UNC13C: variants seen among roughly 807,000 people sequenced by gnomAD.
UNC13C encodes protein unc-13 homolog C.
Under a neutral mutation model 245.4 loss-of-function variants are expected in UNC13C, and 174 were observed. That is an observed-to-expected ratio of 0.71 (90% CI 0.63 to 0.80). The LOEUF (loss-of-function observed/expected upper bound fraction) is 0.80. Ranked by LOEUF, UNC13C falls within the 30% of genes least tolerant of loss-of-function variation. The pLI is 0.00. For synonymous variants in UNC13C, 992 were observed against 895.1 expected (o/e 1.11, Z -1.93); for missense variants, 2,829 against 2,602.9 (o/e 1.09, Z -1.89).
At chr15:53,870,806 C>A in the UNC13C span, among the ~76,000 whole-genome samples, 1 of 152,152 alleles carries the variant, frequency 6.6e-6, no homozygotes, top group Non-Finnish European at 1.5e-5. Context: ...GGTCACACAG[C>A]AATTAACTGA....
chr15:54,494,801 A>G, intron 20 of UNC13C, 67 bp downstream of exon 20: 1 of 1,538,146 alleles, frequency 6.5e-7, no homozygotes, highest in Non-Finnish European at 8.9e-7. Context: ...TTACACCTGA[A>G]TTGTGTACCA....
At chr15:53,967,853 C>T in the UNC13C span, 2 of 152,096 alleles carry the variant, frequency 1.3e-5, no homozygotes, top group Admixed American at 6.6e-5. Context: ...ACAGTGCCAA[C>T]TGTGATGCTT....
intron 13 of UNC13C, among the ~76,000 whole-genome samples, chr15:54,303,485 A>G (rs988444280): frequency 2.0e-5 from 3 of 152,192 alleles, no homozygotes; most frequent in South Asian, 2.1e-4. Context: ...GTTCTAAGAA[A>G]CACAGTCATG....
Position 54,264,310 on chromosome 15 carries a change from A to T in UNC13C, c.3591A>T (p.Lys1197Asn), listed in dbSNP as rs779178889. Residue 1197 changes from lysine (K) to asparagine (N), a missense_variant, in exon 9 of 33, where the codon AAA becomes AAT. Coordinates refer to ENST00000260323, the MANE Select transcript of UNC13C (RefSeq NM_001080534.3). The part of the protein sequence containing the change: ...EVIQEMFQIS[K>N]EDFVQFTKAA... The stretch of plus-strand genomic sequence containing the variant: ...TCCAGGAAATGTTTCAGATTTCTAA[A>T]GAAGATTTTGTGCAGTTTACAAAGG... The T allele has an allele frequency of 8.5e-5, 136 of 1,605,070 alleles. No homozygotes were observed. The highest frequency in any genetic ancestry group is 1.1e-4 in the Non-Finnish European group (132 of 1,175,538).
At chr15:53,842,688 A>C in the UNC13C span, among the ~76,000 whole-genome samples, 1 of 152,144 alleles carries the variant, frequency 6.6e-6, no homozygotes, top group Admixed American at 6.6e-5. Flanking sequence ...TGAAGTTGAC[A>C]CACAGAGAAG....
chr15:54,606,103 A>G (rs1899752159), intron 30 of UNC13C, among the ~76,000 whole-genome samples: 2 of 152,180 alleles, frequency 1.3e-5, no homozygotes, highest in African/African-American at 4.8e-5. Context: ...TTGGTTTGTT[A>G]TTGTTATTAA....
Position 54,014,487 on chromosome 15 carries a change from T to C in UNC13C, c.1584T>C (p.Tyr528=), listed in dbSNP as rs778074359. 1.9e-5 allele frequency: 30 copies of C among 1,613,752 alleles called. No homozygotes were observed. The highest frequency in any genetic ancestry group is 2.5e-5 in the Non-Finnish European group (29 of 1,179,836). Residue 528 remains tyrosine, a synonymous_variant, in exon 2 of 33, where the codon TAT becomes TAC. Coordinates refer to ENST00000260323, the MANE Select transcript of UNC13C (RefSeq NM_001080534.3). The part of the protein sequence containing the change: ...DILEKQTTTH[Y]ADATPLWHSQ... ...TGGAAAAGCAAACCACAACCCATTATGCAGATGCAACACCTCTCTGGCACT... is the reference window on the plus strand; with the variant it reads ...TGGAAAAGCAAACCACAACCCATTACGCAGATGCAACACCTCTCTGGCACT...
At chr15:53,904,174 C>A in the UNC13C span, among the ~76,000 whole-genome samples, 3 of 152,132 alleles carry the variant, frequency 2.0e-5, no homozygotes, top group African/African-American at 4.8e-5. Context: ...AAAACTGAAC[C>A]TTCCTGCTGA....
chr15:53,969,782 G>A, the UNC13C span, among the ~76,000 whole-genome samples: 3 of 151,456 alleles, frequency 2.0e-5, no homozygotes, highest in African/African-American at 7.3e-5. Flanking sequence ...ACAGTGTTAA[G>A]TATATTGACA....
At chr15:54,145,691 A>C (rs2032225109) in intron 4 of UNC13C, among the ~76,000 whole-genome samples, 1 of 152,170 alleles carries the variant, frequency 6.6e-6, no homozygotes, top group Admixed American at 6.5e-5. Context: ...TAGTTATGAA[A>C]ATTGTTGGGA....
At chr15:54,276,355 A>G (rs2036832059) in intron 10 of UNC13C, among the ~76,000 whole-genome samples, 1 of 152,108 alleles carries the variant, frequency 6.6e-6, no homozygotes, top group African/African-American at 2.4e-5. Context: ...TAACTCATTC[A>G]CTGTGTTAGC....
chr15:54,285,623 C>T, intron 10 of UNC13C, among the ~76,000 whole-genome samples: 1 of 152,146 alleles, frequency 6.6e-6, no homozygotes, highest in East Asian at 1.9e-4. Context: ...GAGGTTTCTG[C>T]TGATGATTTT....
chr15:54,060,298 G>C (rs1418070413), intron 2 of UNC13C, among the ~76,000 whole-genome samples: 1 of 152,124 alleles, frequency 6.6e-6, no homozygotes, highest in African/African-American at 2.4e-5. Flanking sequence ...CCATCAAAAA[G>C]TGGGCAAAGG....
intron 4 of UNC13C, among the ~76,000 whole-genome samples, chr15:54,189,658 A>C (rs2034113518): frequency 6.6e-6 from 1 of 152,168 alleles, no homozygotes; most frequent in African/African-American, 2.4e-5. Context: ...ACACAAATGG[A>C]AACAAGATAA....
chr15:54,582,450 C>T (rs905331966), intron 30 of UNC13C, among the ~76,000 whole-genome samples: 1 of 152,080 alleles, frequency 6.6e-6, no homozygotes, highest in African/African-American at 2.4e-5. Context: ...CAGCTAAATT[C>T]AGGAGGTGAT....
At chr15:53,935,169 C>T in the UNC13C span, among the ~76,000 whole-genome samples, 1 of 150,116 alleles carries the variant, frequency 6.7e-6, no homozygotes, top group Non-Finnish European at 1.5e-5. Flanking sequence ...AAAAAAAAAC[C>T]TCTTTCAATG....
At chr15:54,410,147 C>T (rs1198085001) in intron 18 of UNC13C, among the ~76,000 whole-genome samples, 1 of 152,118 alleles carries the variant, frequency 6.6e-6, no homozygotes, top group Non-Finnish European at 1.5e-5. Flanking sequence ...AATTTTTTCA[C>T]ACGCTTTTTG....
chr15:54,226,124 G>T (rs1323814096), intron 4 of UNC13C, among the ~76,000 whole-genome samples: 1 of 152,168 alleles, frequency 6.6e-6, no homozygotes, highest in Non-Finnish European at 1.5e-5. Context: ...ATTTGTGTAT[G>T]TTAAACCAAC....
chr15:54,278,471 G>C (rs189464404), intron 10 of UNC13C, among the ~76,000 whole-genome samples: 9 of 152,200 alleles, frequency 5.9e-5, no homozygotes, highest in Admixed American at 5.9e-4. Context: ...ATGTCTAAAT[G>C]ATCCTCTCTA....
Sources: allele counts gnomAD v4.1 joint callset (sites outside exome capture counted in the v4.1 genomes callset), GRCh38; gene constraint gnomAD v4.1.1; transcripts MANE v1.5; gene names NCBI Gene and HGNC (gene_info 2026-07-23, HGNC 2026-07-21).